Variants in MAD1L1 observed in about 807,000 individuals in gnomAD.
The protein encoded by MAD1L1 is mitotic spindle assembly checkpoint protein MAD1.
MAD1L1 carries 95 observed loss-of-function variants against 96.9 expected under a neutral mutation model. The ratio of observed to expected loss-of-function variants is 0.98; its 90% CI spans 0.83 to 1.16. MAD1L1 has a LOEUF of 1.16. MAD1L1 is among the 50% of genes most tolerant of loss of function. The pLI, the probability that MAD1L1 is intolerant of heterozygous loss-of-function variation, is 0.00. For missense variants in MAD1L1, 1,007 were observed against 954.4 expected (o/e 1.06, Z -0.73); for synonymous variants, 473 against 396.6 (o/e 1.19, Z -2.29).
intron 10 of MAD1L1, 68 bp downstream of exon 10, chr7:2,213,144 C>T: frequency 6.5e-7 from 1 of 1,535,922 alleles, no homozygotes; most frequent in Non-Finnish European, 9.0e-7. Flanking sequence ...GAGCCGGAAG[C>T]AGGCTCTGCT....
At chr7:2,197,441 C>A (rs1289868981) in intron 10 of MAD1L1, among the ~76,000 whole-genome samples, 1 of 152,170 alleles carries the variant, frequency 6.6e-6, no homozygotes, top group African/African-American at 2.4e-5. Flanking sequence ...GCTCTGGAGG[C>A]TTCTAGCCTC....
intron 11 of MAD1L1, among the ~76,000 whole-genome samples, chr7:2,074,597 C>T (rs754138366): frequency 3.3e-5 from 5 of 152,206 alleles, no homozygotes; most frequent in Non-Finnish European, 5.9e-5. Context: ...GCAAGGCCAG[C>T]GGCTAAAGAG....
At chr7:2,099,696 G>A (rs184337444) in intron 11 of MAD1L1, among the ~76,000 whole-genome samples, 26 of 152,338 alleles carry the variant, frequency 1.7e-4, no homozygotes, top group Admixed American at 1.1e-3. Context: ...TGGTTCAGAA[G>A]AGGTACTCCT....
chr7:2,160,470 C>G (rs1790051148), intron 10 of MAD1L1, among the ~76,000 whole-genome samples: 1 of 151,048 alleles, frequency 6.6e-6, no homozygotes, highest in Non-Finnish European at 1.5e-5. Context: ...GGGGCTGGGA[C>G]TACAGGCGCC....
At chr7:2,028,347 C>T (rs1783072662) in intron 12 of MAD1L1, among the ~76,000 whole-genome samples, 1 of 150,568 alleles carries the variant, frequency 6.6e-6, no homozygotes, top group Admixed American at 6.6e-5. Context: ...ATGGCGCGAA[C>T]CCAGGAGGCA....
At chr7:2,105,911 C>T (rs997019412) in intron 11 of MAD1L1, among the ~76,000 whole-genome samples, 2 of 152,098 alleles carry the variant, frequency 1.3e-5, no homozygotes, top group Admixed American at 6.5e-5. Context: ...CCTTCTGGAG[C>T]ACAGTCCCAG....
chr7:2,021,081 G>C (rs545366070), intron 12 of MAD1L1, among the ~76,000 whole-genome samples: 2 of 152,226 alleles, frequency 1.3e-5, no homozygotes, highest in Non-Finnish European at 1.5e-5. Flanking sequence ...CCTAAGAACA[G>C]TGGGATGACC....
rs1448103673 is a variant in MAD1L1 at position 1,826,548 on chromosome 7, C to T, written c.1999-10320G>A. On this transcript the variant is annotated intron_variant, in intron 18 of 18. Transcript: ENST00000265854. ...ACCCCAGGACACCCTGCTGTGTGCA[C>T]GACCCTCAGCTCCCACCCCTCTCTG... Among the ~76,000 whole-genome samples, 5 of 152,320 alleles carry T rather than the reference C, an allele frequency of 3.3e-5. No homozygotes were observed. The East Asian group carries it at 7.7e-4, about 24-fold the overall frequency.
intron 18 of MAD1L1, among the ~76,000 whole-genome samples, chr7:1,873,084 C>T (rs575136759): frequency 4.6e-5 from 7 of 152,366 alleles, no homozygotes; most frequent in African/African-American, 1.2e-4. Flanking sequence ...GGCTGCATGC[C>T]GAGCCGTGGA....
chr7:1,871,363 T>C (rs1350139143), intron 18 of MAD1L1, among the ~76,000 whole-genome samples: 19 of 133,586 alleles, frequency 1.4e-4, no homozygotes, highest in African/African-American at 5.5e-4. Context: ...GAACCCAACA[T>C]ATGCCTGCCA....
intron 16 of MAD1L1, among the ~76,000 whole-genome samples, chr7:1,938,325 A>C (rs568352463): frequency 6.6e-6 from 1 of 152,350 alleles, no homozygotes; most frequent in South Asian, 2.1e-4. Flanking sequence ...ACCTCACATC[A>C]CACACAAACA....
rs187798243 is a variant in MAD1L1 at position 2,210,742 on chromosome 7, G to A, written c.986+2470C>T. 8.1e-4 allele frequency among the ~76,000 whole-genome samples: 124 copies of A among 152,326 alleles called. 1 individual carries two copies. Among genetic ancestry groups the A allele is most frequent in the African/African-American group, 2.0e-3 (85 of 41,574 alleles). ...CCAGGCATGGCAGGCAACCCAGCAC[G>A]TGAGGAAACCTGCCCTCTACCAGGC... On this transcript the variant is annotated intron_variant, in intron 10 of 18. Transcript: ENST00000265854.
rs185484885 is a variant in MAD1L1 at position 1,879,314 on chromosome 7, G to T, written c.1998+18886C>A. 3.5e-4 allele frequency among the ~76,000 whole-genome samples: 54 copies of T among 152,210 alleles called. No homozygotes were observed. The East Asian group carries it at 9.9e-3, about 28-fold the overall frequency. ...CTACTAAAAATAAAAACTTAGCCGGGTGTGGTGGCAGGCGCCTGTAATCCT... is the reference window on the plus strand; with the variant it reads ...CTACTAAAAATAAAAACTTAGCCGGTTGTGGTGGCAGGCGCCTGTAATCCT... On this transcript the variant is annotated intron_variant, in intron 18 of 18. Coordinates refer to ENST00000265854, the MANE Select transcript of MAD1L1 (RefSeq NM_001013836.2).
At chr7:1,885,309 C>T (rs1253128566) in intron 18 of MAD1L1, among the ~76,000 whole-genome samples, 1 of 152,194 alleles carries the variant, frequency 6.6e-6, no homozygotes, top group Non-Finnish European at 1.5e-5. Flanking sequence ...ACCACAGCGT[C>T]CCTCTCGCGG....
intron 10 of MAD1L1, among the ~76,000 whole-genome samples, chr7:2,154,217 G>A (rs749739799): frequency 7.9e-5 from 12 of 152,204 alleles, no homozygotes; most frequent in Non-Finnish European, 1.5e-4. Flanking sequence ...GGAGGTGACC[G>A]TGTCAGGTGA....
At position 1,964,972 on chromosome 7, in the gene MAD1L1, C is replaced by A. The variant is rs552714048; in HGVS notation, c.1506-7253G>T. On this transcript the variant is annotated intron_variant, in intron 15 of 18. Coordinates refer to ENST00000265854, the MANE Select transcript of MAD1L1 (RefSeq NM_001013836.2). ...GAAGCCCCTCACCCAGGCCAGCCTC[C>A]CACGGGTCCCAGACCCCTGCACTGC... Among the ~76,000 whole-genome samples the A allele has an allele frequency of 2.3e-3, 353 of 152,332 alleles. 1 individual carries two copies. Among genetic ancestry groups the A allele is most frequent in the African/African-American group, 8.1e-3 (335 of 41,584 alleles).
intron 12 of MAD1L1, among the ~76,000 whole-genome samples, chr7:2,014,930 G>A (rs1246157932): frequency 5.3e-5 from 8 of 152,262 alleles, no homozygotes; most frequent in African/African-American, 1.7e-4. Flanking sequence ...CGTACCGGCA[G>A]TATGGCTATG....
At chr7:1,883,978 G>A (rs997363976) in intron 18 of MAD1L1, among the ~76,000 whole-genome samples, 1 of 152,188 alleles carries the variant, frequency 6.6e-6, no homozygotes, top group Admixed American at 6.5e-5. Flanking sequence ...AGGAGGAACC[G>A]CAGGCCCCGC....
chr7:2,073,419 G>A (rs1002131523), intron 11 of MAD1L1, among the ~76,000 whole-genome samples: 5 of 152,260 alleles, frequency 3.3e-5, no homozygotes, highest in South Asian at 2.1e-4. Context: ...AGATCTCTAC[G>A]ATCGTCAGTC....
Sources: gnomAD v4.1 joint callset for allele counts (sites outside exome capture counted in the v4.1 genomes callset) on GRCh38, gnomAD v4.1.1 for gene constraint, MANE v1.5 for transcripts, NCBI Gene and HGNC (gene_info 2026-07-23, HGNC 2026-07-21) for gene names.